IL1RAPL2: variants seen among roughly 807,000 people sequenced by gnomAD.
IL1RAPL2 encodes the protein interleukin 1 receptor accessory protein like 2, also known as X-linked interleukin-1 receptor accessory protein-like 2.
Under a neutral mutation model 44.1 loss-of-function variants are expected in IL1RAPL2, and 3 were observed. The observed-to-expected ratio is 0.07, with a 90% CI of 0.03 to 0.18. The LOEUF (loss-of-function observed/expected upper bound fraction) is 0.18. IL1RAPL2 is among the 10% of genes least tolerant of loss of function. The probability of loss-of-function intolerance (pLI) is 1.00; values close to 1 mark genes in which losing one functional copy is unlikely to be tolerated. For missense variants in IL1RAPL2, 391 were observed against 496.4 expected (o/e 0.79, Z 2.02); for synonymous variants, 181 against 178.8 (o/e 1.01, Z -0.10).
chrX:105,452,949 T>C (rs2147762567), intron 5 of IL1RAPL2, among the ~76,000 whole-genome samples: 1 of 112,367 alleles, frequency 8.9e-6, no homozygotes, highest in East Asian at 2.8e-4. Context: ...AAATAAAGAT[T>C]TGAAGTGACT....
intron 2 of IL1RAPL2, among the ~76,000 whole-genome samples, chrX:104,872,293 C>A (rs1010158423): frequency 1.8e-5 from 2 of 111,546 alleles, no homozygotes; most frequent in Non-Finnish European, 3.8e-5. Flanking sequence ...ATGTTGGGAG[C>A]ATGAGCAGTT....
At chrX:105,644,327 G>A (rs1482489134) in intron 6 of IL1RAPL2, among the ~76,000 whole-genome samples, 2 of 111,393 alleles carry the variant, frequency 1.8e-5, no homozygotes. Flanking sequence ...CTCAGAAGTT[G>A]ATCTCTCTGA....
At chrX:104,718,455 G>A (rs897771978) in intron 2 of IL1RAPL2, among the ~76,000 whole-genome samples, 2 of 110,982 alleles carry the variant, frequency 1.8e-5, no homozygotes, top group Non-Finnish European at 1.9e-5. Context: ...GGGACCTGGT[G>A]GGAAGTGATG....
In IL1RAPL2 at chrX:105,540,843, A is replaced by ATATG. The variant is rs1469755222; in HGVS notation, c.772+56456_772+56457insTATG. ...ACATATATTATATATGATATATAAT[A>ATATG]CATACATATATTATATATGATATAT... On this transcript the variant is annotated intron_variant, in intron 6 of 10. Transcript: ENST00000372582. Among the ~76,000 whole-genome samples, 26 of 66,247 alleles carry ATATG rather than the reference A, an allele frequency of 3.9e-4. 4 individuals are homozygous for ATATG. Among genetic ancestry groups the ATATG allele is most frequent in the Non-Finnish European group, 6.6e-4 (20 of 30,377 alleles). 57.5% of individuals were successfully genotyped at this position (66,247 alleles called of 115,157 possible).
intron 2 of IL1RAPL2, among the ~76,000 whole-genome samples, chrX:104,755,560 G>T (rs1027648819): frequency 2.7e-5 from 3 of 110,635 alleles, no homozygotes; most frequent in South Asian, 3.9e-4. Context: ...GAACCTAGAT[G>T]CTCTGCCCCC....
chrX:105,075,633 G>C (rs149698061), intron 2 of IL1RAPL2, among the ~76,000 whole-genome samples: 1,238 of 111,810 alleles, frequency 0.011, 16 homozygotes, highest in African/African-American at 0.038. Context: ...GCTCCTCCTT[G>C]TACCTCTGGT....
rs60881835 is a variant in IL1RAPL2 at position 104,939,050 on chromosome X, CT to C, written c.83-256401del. ...AGAGATAATCAACAATGCATGCTAG[CT>C]TTTTTTTTTTTTTTTTTTTTTTTGA... On this transcript the variant is annotated intron_variant, in intron 2 of 10. Coordinates refer to ENST00000372582, the MANE Select transcript of IL1RAPL2 (RefSeq NM_017416.2). 5.9e-3 allele frequency among the ~76,000 whole-genome samples: 482 copies of C among 81,310 alleles called. 1 individual carries two copies. The highest frequency in any genetic ancestry group is 0.035 in the East Asian group (87 of 2,475). The allele number at this position is 81,310 out of a possible 115,157, so 70.6% of individuals were successfully genotyped here.
rs370999980 is a variant in IL1RAPL2, at chrX:105,341,343, C to CT, written c.697+73812dup. 6.6e-3 allele frequency among the ~76,000 whole-genome samples: 686 copies of CT among 104,557 alleles called. 2 individuals are homozygous for CT. Among genetic ancestry groups the CT allele is most frequent in the Non-Finnish European group, 8.2e-3 (414 of 50,685 alleles). The allele number at this position is 104,557 out of a possible 115,157, so 90.8% of individuals were successfully genotyped here. ...TATTGTTTGTATTTTCTTTTCTTTT[C>CT]TTTTTTTTTTACTGAAGATTGTTTA... On this transcript the variant is annotated intron_variant, in intron 5 of 10. Coordinates refer to ENST00000372582, the MANE Select transcript of IL1RAPL2 (RefSeq NM_017416.2).
chrX:104,608,298 A>C (rs1929064260), intron 1 of IL1RAPL2, among the ~76,000 whole-genome samples: 1 of 110,913 alleles, frequency 9.0e-6, no homozygotes, highest in Non-Finnish European at 1.9e-5. Flanking sequence ...TGATGGTTGC[A>C]GCAAACCACC....
intron 5 of IL1RAPL2, among the ~76,000 whole-genome samples, chrX:105,391,765 A>G (rs2035524761): frequency 1.5e-5 from 1 of 65,297 alleles, no homozygotes; most frequent in Non-Finnish European, 2.7e-5. Context: ...ACAATGATAG[A>G]CTGGATTAAG....
At chrX:105,266,801 A>G (rs1439566475) in intron 4 of IL1RAPL2, among the ~76,000 whole-genome samples, 4 of 111,785 alleles carry the variant, frequency 3.6e-5, no homozygotes, top group Non-Finnish European at 5.6e-5. Context: ...AATTTTTTAT[A>G]TTCCTTCCCT....
At chrX:104,924,473 C>G (rs1233655869) in intron 2 of IL1RAPL2, among the ~76,000 whole-genome samples, 2 of 111,775 alleles carry the variant, frequency 1.8e-5, no homozygotes, top group Non-Finnish European at 3.8e-5. Flanking sequence ...CTCAATAAAT[C>G]AAAAACATTG....
At chrX:104,913,813 C>T (rs2147685289) in intron 2 of IL1RAPL2, among the ~76,000 whole-genome samples, 1 of 111,995 alleles carries the variant, frequency 8.9e-6, no homozygotes, top group African/African-American at 3.2e-5. Flanking sequence ...AACCACATTT[C>T]TTCTTTAAAA....
intron 5 of IL1RAPL2, among the ~76,000 whole-genome samples, chrX:105,271,147 T>C (rs1000159643): frequency 8.9e-6 from 1 of 112,440 alleles, no homozygotes; most frequent in Admixed American, 9.5e-5. Flanking sequence ...ATATATGTCA[T>C]AGTATTTCTT....
chrX:105,727,749 C>T (rs1169916029), intron 7 of IL1RAPL2, among the ~76,000 whole-genome samples: 6 of 111,633 alleles, frequency 5.4e-5, no homozygotes, highest in East Asian at 5.6e-4. Context: ...TAGTTTGAGA[C>T]GGTATTTGTT....
intron 2 of IL1RAPL2, among the ~76,000 whole-genome samples, chrX:104,984,235 G>A (rs1231963062): frequency 8.9e-6 from 1 of 111,760 alleles, no homozygotes; most frequent in Non-Finnish European, 1.9e-5. Flanking sequence ...TAATGTATGA[G>A]CGCAGAGTTA....
chrX:104,978,959 T>C (rs2030386531), intron 2 of IL1RAPL2, among the ~76,000 whole-genome samples: 1 of 111,061 alleles, frequency 9.0e-6, no homozygotes, highest in Non-Finnish European at 1.9e-5. Flanking sequence ...TGTAATACAA[T>C]CCCAATAAAA....
At chrX:105,249,071 T>C (rs1392200826) in intron 4 of IL1RAPL2, among the ~76,000 whole-genome samples, 1 of 111,235 alleles carries the variant, frequency 9.0e-6, no homozygotes, top group African/African-American at 3.3e-5. Context: ...CTATGCACAA[T>C]AGCCACAATT....
At chrX:105,384,036 AT>A (rs1248750984) in intron 5 of IL1RAPL2, among the ~76,000 whole-genome samples, 2 of 109,984 alleles carry the variant, frequency 1.8e-5, no homozygotes, top group Admixed American at 9.7e-5. Flanking sequence ...AATAGTTTAC[AT>A]TTTTTTTCCA....
Sources: allele counts gnomAD v4.1 joint callset (sites outside exome capture counted in the v4.1 genomes callset), GRCh38; gene constraint gnomAD v4.1.1; transcripts MANE v1.5; gene names NCBI Gene and HGNC (gene_info 2026-07-23, HGNC 2026-07-21).